Variants in CCDC83 observed in about 807,000 individuals in gnomAD.
The protein encoded by CCDC83 is coiled-coil domain containing 83.
A neutral mutation model predicts 50.1 loss-of-function variants in CCDC83; 54 were observed. That is an observed-to-expected ratio of 1.08 (90% CI 0.87 to 1.35). CCDC83 has a LOEUF of 1.35. CCDC83 is among the 40% of genes most tolerant of loss of function. The pLI is 0.00. For synonymous variants in CCDC83, 161 were observed against 153.3 expected, an observed-to-expected ratio of 1.05 and a Z score of -0.37; for missense variants, 518 against 473.9, an observed-to-expected ratio of 1.09 and a Z score of -0.86.
chr11:85,892,356 T>C (rs1228151538), intron 5 of CCDC83, among the ~76,000 whole-genome samples: 1 of 152,310 alleles, frequency 6.6e-6, no homozygotes, highest in South Asian at 2.1e-4. Context: ...CATTCACCAA[T>C]AAATGGTTAA....
intron 7 of CCDC83, among the ~76,000 whole-genome samples, chr11:85,900,777 T>C (rs1350347486): frequency 6.6e-6 from 1 of 152,144 alleles, no homozygotes; most frequent in Non-Finnish European, 1.5e-5. Context: ...ATACTCAAAA[T>C]AATCTGGCCA....
At chr11:85,883,749 T>A (rs1463711343) in intron 4 of CCDC83, among the ~76,000 whole-genome samples, 1 of 152,198 alleles carries the variant, frequency 6.6e-6, no homozygotes, top group African/African-American at 2.4e-5. Context: ...ATCCACGTAT[T>A]TCTGGATTTC....
chr11:85,907,969 C>T (rs1445840117), intron 7 of CCDC83, among the ~76,000 whole-genome samples: 1 of 152,082 alleles, frequency 6.6e-6, no homozygotes, highest in Non-Finnish European at 1.5e-5. Context: ...TTTTCCTCAT[C>T]CTTTGACATT....
intron 1 of CCDC83, among the ~76,000 whole-genome samples, chr11:85,860,309 A>T (rs1436922043): frequency 6.6e-6 from 1 of 151,334 alleles, no homozygotes; most frequent in Non-Finnish European, 1.5e-5. Context: ...CTCAAAAAAA[A>T]AAAAAAAAAA....
rs2093200194 is a variant in CCDC83, at chr11:85,865,219, G to C, written c.95+1G>C. The C allele has an allele frequency of 1.9e-6, 3 of 1,570,204 alleles. No homozygotes were observed. Among genetic ancestry groups the C allele is most frequent in the Non-Finnish European group, 2.6e-6 (3 of 1,140,942 alleles). The stretch of plus-strand genomic sequence containing the variant: ...CCAGTGAAGCACTTCTAGACTATCA[G>C]TAAGTTTTTATTCTGAAATCTGAAA... On this transcript the variant is annotated splice_donor_variant, in intron 2 of 10. Transcript: ENST00000342404. LOFTEE classifies it high-confidence loss of function.
chr11:85,856,097 TC>T (rs929271528), intron 1 of CCDC83, among the ~76,000 whole-genome samples: 1 of 147,472 alleles, frequency 6.8e-6, no homozygotes, highest in Non-Finnish European at 1.5e-5. Context: ...GTTGCCTCAC[TC>T]CCTTCCTTAT....
rs545551019 is a variant in CCDC83, at chr11:85,912,775, G to C, written c.794+1373G>C. 148 of 1,214,504 alleles carry C rather than the reference G, an allele frequency of 1.2e-4. No homozygotes were observed. In the South Asian group the frequency reaches 1.7e-3, roughly 14 times the overall value. The allele number at this position is 1,214,504 out of a possible 1,614,324, so 75.2% of individuals were successfully genotyped here. On this transcript the variant is annotated intron_variant, in intron 8 of 10. Coordinates refer to ENST00000342404, the MANE Select transcript of CCDC83 (RefSeq NM_001286159.2). Reference sequence around the variant, plus strand: ...CTTCTAACTACCTACTGCTATAGCTGCTGTCCACTGCCCTCTTTTCTGAAC... The same window carrying C: ...CTTCTAACTACCTACTGCTATAGCTCCTGTCCACTGCCCTCTTTTCTGAAC...
At position 85,911,410 on chromosome 11, in the gene CCDC83, T is replaced by C. The variant is rs746134258; in HGVS notation, c.794+8T>C. On this transcript the variant is annotated splice_region_variant and intron_variant, in intron 8 of 10. Transcript: ENST00000342404. ...GGATCTCAAGATACCCAGGTGAAAA[T>C]TGTTAATATATAGAGAGTATTTTGT... 4 of 1,579,282 alleles carry C rather than the reference T, an allele frequency of 2.5e-6. No homozygotes were observed. The highest frequency in any genetic ancestry group is 3.4e-6 in the Non-Finnish European group (4 of 1,165,428).
At chr11:85,871,454 G>A (rs931885974) in intron 2 of CCDC83, among the ~76,000 whole-genome samples, 1 of 151,594 alleles carries the variant, frequency 6.6e-6, no homozygotes, top group Non-Finnish European at 1.5e-5. Flanking sequence ...TTTTTTTAAT[G>A]TTGCATTTTC....
intron 1 of CCDC83, among the ~76,000 whole-genome samples, chr11:85,859,322 C>G (rs889559177): frequency 6.6e-6 from 1 of 151,980 alleles, no homozygotes; most frequent in African/African-American, 2.4e-5. Context: ...CAAAACTATT[C>G]TAAAATTCAT....
intron 4 of CCDC83, 55 bp from the exon 5 acceptor site, chr11:85,886,145 A>G (rs2093325646): frequency 1.5e-6 from 2 of 1,365,114 alleles, no homozygotes; most frequent in African/African-American, 2.9e-5. Flanking sequence ...CCAGATTGCA[A>G]CATATAATGG....
chr11:85,881,743 T>A (rs1402510143), intron 3 of CCDC83, among the ~76,000 whole-genome samples: 3 of 152,186 alleles, frequency 2.0e-5, no homozygotes, highest in Non-Finnish European at 2.9e-5. Context: ...TCTAATTAGG[T>A]ATGCCCTGTA....
chr11:85,879,675 A>G (rs1455788267), intron 3 of CCDC83, among the ~76,000 whole-genome samples: 3 of 151,900 alleles, frequency 2.0e-5, no homozygotes, highest in South Asian at 2.1e-4. Context: ...GCTGGAGTGC[A>G]GTGGCATGAT....
chr11:85,919,269 T>A (rs1452421263), intron 10 of CCDC83, 80 bp from the exon 11 acceptor site: 4 of 1,333,368 alleles, frequency 3.0e-6, no homozygotes, highest in Non-Finnish European at 4.1e-6. Flanking sequence ...AGGCCAACTG[T>A]AATAAAGAAA....
intron 1 of CCDC83, among the ~76,000 whole-genome samples, chr11:85,859,155 C>A (rs550047058): frequency 1.4e-4 from 16 of 114,458 alleles, no homozygotes; most frequent in Non-Finnish European, 2.1e-4. Context: ...AATCTTGGTG[C>A]CTTAAAAAAA....
At position 85,873,263 on chromosome 11, in the gene CCDC83, C is replaced by T; in HGVS notation, c.148C>T (p.Leu50Phe). ...GCAATTCATGTTTCAAATAAAGACA[C>T]TTAGGAAAAAGAACCAAAAATATCA... ...VEQFMFQIKT[L>F]RKKNQKYHER... Residue 50 changes from leucine to phenylalanine, a missense_variant, in exon 3 of 11, where the codon CTT becomes TTT. By Grantham distance (22) the Leu-to-Phe change is conservative (BLOSUM62 0). Coordinates refer to ENST00000342404, the MANE Select transcript of CCDC83 (RefSeq NM_001286159.2). 2 of 1,552,356 alleles carry T rather than the reference C, an allele frequency of 1.3e-6. No individual in the cohort carries two copies. Among genetic ancestry groups the T allele is most frequent in the Non-Finnish European group, 1.7e-6 (2 of 1,144,380 alleles).
At chr11:85,908,747 A>T (rs2093438082) in intron 7 of CCDC83, among the ~76,000 whole-genome samples, 1 of 136,504 alleles carries the variant, frequency 7.3e-6, no homozygotes, top group African/African-American at 3.0e-5. Flanking sequence ...CTACAAAAAA[A>T]ATACCAAAAA....
chr11:85,912,732 G>C (rs574731956), intron 8 of CCDC83: 1 of 1,603,100 alleles, frequency 6.2e-7, no homozygotes, highest in South Asian at 1.1e-5. Context: ...ATCTCTGCCA[G>C]GCGTTGCTGG....
Position 85,911,386 on chromosome 11 carries a change from G to A in CCDC83, c.778G>A (p.Asp260Asn). The change falls in exon 8 of 11, where the codon GAT becomes AAT. Residue 260 changes from aspartate to asparagine, a missense_variant. Coordinates refer to ENST00000342404, the MANE Select transcript of CCDC83 (RefSeq NM_001286159.2). The part of the protein sequence containing the change: ...IDQLSNCRLV[D>N]LKIPRRLYLT... ...TCAACTATCCAACTGTAGACTTGTG[G>A]ATCTCAAGATACCCAGGTGAAAATT... The A allele has an allele frequency of 6.2e-7, 1 of 1,604,318 alleles. No individual in the cohort carries two copies.
Sources: gnomAD v4.1 joint callset for allele counts (sites outside exome capture counted in the v4.1 genomes callset) on GRCh38, gnomAD v4.1.1 for gene constraint, MANE v1.5 for transcripts, NCBI Gene and HGNC (gene_info 2026-07-23, HGNC 2026-07-21) for gene names.